The following ABCB7 variants were observed in gnomAD, a reference collection of about 807,000 sequenced individuals.
ABCB7 encodes iron-sulfur clusters transporter ABCB7, mitochondrial.
ABCB7 carries 7 observed loss-of-function variants against 54.4 expected under a neutral mutation model. The ratio of observed to expected loss-of-function variants is 0.13; its 90% confidence interval spans 0.07 to 0.24. The LOEUF (loss-of-function observed/expected upper bound fraction) is 0.24. Among genes scored for constraint, ABCB7 ranks in the 10% least tolerant of loss-of-function variants. The probability of loss-of-function intolerance (pLI) is 1.00; values close to 1 mark genes in which losing one functional copy is unlikely to be tolerated. For missense variants in ABCB7, 356 were observed against 570.4 expected, an observed-to-expected ratio of 0.62 and a Z score of 3.83; for synonymous variants, 218 against 207.1, an observed-to-expected ratio of 1.05 and a Z score of -0.45.
At chrX:75,150,068 G>T (rs1429083011) in intron 1 of ABCB7, among the ~76,000 whole-genome samples, 1 of 111,455 alleles carries the variant, frequency 9.0e-6, no homozygotes, top group Non-Finnish European at 1.9e-5. Context: ...TCATGCCTTA[G>T]GAAGAATAAT....
chrX:75,071,724 G>C (rs189786647), intron 8 of ABCB7, 41 bp from the exon 9 acceptor site: 4 of 932,312 alleles, frequency 4.3e-6, no homozygotes, highest in Non-Finnish European at 4.5e-6. Flanking sequence ...AGTATAATTA[G>C]AATTTATTCT....
chrX:75,095,774 T>C (rs1483507905), intron 4 of ABCB7, among the ~76,000 whole-genome samples: 2 of 112,328 alleles, frequency 1.8e-5, no homozygotes, highest in East Asian at 2.8e-4. Flanking sequence ...GAGTTTAGTA[T>C]AGCATTTTCC....
chrX:75,122,858 TGG>T (rs1460936316), intron 1 of ABCB7, among the ~76,000 whole-genome samples: 1 of 33,222 alleles, frequency 3.0e-5, no homozygotes. Context: ...ATTTTAAAAT[TGG>T]GGTGTGTGTG....
chrX:75,067,995 T>C (rs1462130767), intron 12 of ABCB7, among the ~76,000 whole-genome samples: 1 of 111,249 alleles, frequency 9.0e-6, no homozygotes, highest in Admixed American at 9.5e-5. Flanking sequence ...GTATTGTATA[T>C]ATTTAAGGTA....
In ABCB7 at chrX:75,065,311, A is replaced by C. The variant is rs2081310195; in HGVS notation, c.1660-70T>G. On this transcript the variant is annotated intron_variant, in intron 12 of 15. Transcript: ENST00000373394. ...CTCTCTCTATTTATGTTCATTATTAAAAATTCAAATAGTAAAGAGACAAAG... is the reference window on the plus strand; with the variant it reads ...CTCTCTCTATTTATGTTCATTATTACAAATTCAAATAGTAAAGAGACAAAG... 33 of 996,303 alleles carry C rather than the reference A, an allele frequency of 3.3e-5. No homozygotes were observed. The South Asian group carries it at 7.3e-4, about 22-fold the overall frequency. The allele number at this position is 996,303 out of a possible 1,213,427, so 82.1% of individuals were successfully genotyped here. A position where few individuals can be genotyped will look rare whatever the true frequency, so the allele number is the denominator to read the frequency against.
In ABCB7 at chrX:75,114,782, T is replaced by C; in HGVS notation, c.218A>G (p.Asn73Ser). The change falls in exon 2 of 16, where the codon AAT becomes AGT. Residue 73 changes from asparagine (N) to serine (S), a missense_variant. By Grantham distance (46) the Asn-to-Ser change is conservative. Transcript: ENST00000373394. ...SITWQRLGKG[N>S]SGQFLDAAKA... ...TGCAGCATCTAAGAACTGTCCTGAA[T>C]TGCCTTTTCCCAATCTCTGCCATGT... 3 of 1,202,095 alleles carry C rather than the reference T, an allele frequency of 2.5e-6. No homozygotes were observed. Among genetic ancestry groups the C allele is most frequent in the Non-Finnish European group, 3.4e-6 (3 of 889,038 alleles).
intron 1 of ABCB7, among the ~76,000 whole-genome samples, chrX:75,115,048 T>A (rs749346247): frequency 4.3e-4 from 47 of 109,846 alleles, no homozygotes; most frequent in African/African-American, 1.5e-3. Context: ...GGCGGGCGGA[T>A]CACGAGGTCT....
At chrX:75,136,595 A>ACCTGGAG (rs2082011478) in intron 1 of ABCB7, among the ~76,000 whole-genome samples, 7 of 110,063 alleles carry the variant, frequency 6.4e-5, no homozygotes, top group African/African-American at 2.4e-4. Context: ...ACAACAAAAA[A>ACCTGGAG]GCTGGAGGCA....
At chrX:75,110,527 GA>G in intron 3 of ABCB7, among the ~76,000 whole-genome samples, 1 of 111,977 alleles carries the variant, frequency 8.9e-6, no homozygotes, top group Admixed American at 9.5e-5. Flanking sequence ...TTAAGTAAGT[GA>G]AAATTTCTCT....
intron 1 of ABCB7, among the ~76,000 whole-genome samples, chrX:75,138,223 T>TACACACACAC (rs60844679): frequency 1.3e-4 from 13 of 99,436 alleles, no homozygotes; most frequent in African/African-American, 4.8e-4. Context: ...GCAACCCTCA[T>TACACACACAC]ACACACACAC....
intron 2 of ABCB7, among the ~76,000 whole-genome samples, chrX:75,114,197 TAAAC>T (rs897359663): frequency 2.3e-4 from 26 of 112,024 alleles, no homozygotes; most frequent in African/African-American, 7.4e-4. Context: ...AAAGAAAAAA[TAAAC>T]AAAATACCCA....
intron 1 of ABCB7, among the ~76,000 whole-genome samples, chrX:75,133,631 A>G (rs2081989794): frequency 8.9e-6 from 1 of 112,200 alleles, no homozygotes; most frequent in Non-Finnish European, 1.9e-5. Flanking sequence ...AACAGTGGAC[A>G]TTTCAGCAGA....
chrX:75,069,412 C>T lies in ABCB7; in HGVS notation c.1408G>A (p.Ala470Thr). The change falls in exon 11 of 16, where the codon GCT becomes ACT. Residue 470 changes from alanine (A) to threonine (T), a missense_variant. Ala to Thr is a moderately conservative substitution (Grantham distance 58, BLOSUM62 0). Coordinates refer to ENST00000373394, the MANE Select transcript of ABCB7 (RefSeq NM_001271696.3). ...ASPLQITPQT[A>T]TVAFDNVHFE... ...TGCACATTATCAAAGGCCACGGTAG[C>T]TGTCTGTGGTGTGATCTGAAGGGGA... The T allele has an allele frequency of 2.5e-6, 3 of 1,210,313 alleles. No individual in the cohort carries two copies. Among genetic ancestry groups the T allele is most frequent in the Non-Finnish European group, 3.4e-6 (3 of 894,737 alleles).
At chrX:75,063,591 C>A (rs375553806) in intron 13 of ABCB7, among the ~76,000 whole-genome samples, 1 of 110,741 alleles carries the variant, frequency 9.0e-6, no homozygotes, top group Non-Finnish European at 1.9e-5. Context: ...ACTATCTTCC[C>A]GCCTACCTAT....
intron 1 of ABCB7, among the ~76,000 whole-genome samples, chrX:75,142,922 A>G (rs2082064641): frequency 8.9e-6 from 1 of 112,390 alleles, no homozygotes; most frequent in Non-Finnish European, 1.9e-5. Flanking sequence ...GACTGGTAGC[A>G]TGTTCTTTTT....
chrX:75,110,077 C>T (rs1048681740), intron 3 of ABCB7, among the ~76,000 whole-genome samples: 1 of 111,550 alleles, frequency 9.0e-6, no homozygotes, highest in Non-Finnish European at 1.9e-5. Flanking sequence ...GTTTGTTTTC[C>T]GAGCTTTGTT....
chrX:75,072,115 C>T (rs1383844951), intron 8 of ABCB7, among the ~76,000 whole-genome samples: 1 of 111,198 alleles, frequency 9.0e-6, no homozygotes, highest in Non-Finnish European at 1.9e-5. Context: ...TACCACCCTC[C>T]CCTGTGAAAG....
intron 15 of ABCB7, among the ~76,000 whole-genome samples, chrX:75,056,505 C>T (rs2147443652): frequency 9.0e-6 from 1 of 111,582 alleles, no homozygotes; most frequent in Admixed American, 9.5e-5. Flanking sequence ...GTCCTCATGA[C>T]TTGTGTTCAT....
chrX:75,063,598 C>G (rs1477692845), intron 13 of ABCB7, among the ~76,000 whole-genome samples: 1 of 110,884 alleles, frequency 9.0e-6, no homozygotes, highest in East Asian at 2.8e-4. Flanking sequence ...TCCCGCCTAC[C>G]TATCAGCCCA....
Sources: gnomAD v4.1 joint callset for allele counts (sites outside exome capture counted in the v4.1 genomes callset) on GRCh38, gnomAD v4.1.1 for gene constraint, MANE v1.5 for transcripts, NCBI Gene and HGNC (gene_info 2026-07-23, HGNC 2026-07-21) for gene names.